The following B3GAT2 variants were observed in gnomAD, a reference collection of about 807,000 sequenced individuals.
B3GAT2 encodes the protein beta-1,3-glucuronyltransferase 2.
A neutral mutation model predicts 27.8 loss-of-function variants in B3GAT2; 26 were observed. The ratio of observed to expected loss-of-function variants is 0.93; its 90% CI spans 0.68 to 1.30. The LOEUF is 1.30. Ranked by LOEUF, B3GAT2 falls within the 50% of genes most tolerant of loss-of-function variation. The pLI is 0.00. For missense variants in B3GAT2, 458 were observed against 459.0 expected (o/e 1.00, Z 0.02); for synonymous variants, 218 against 195.1 (o/e 1.12, Z -0.98).
At chr6:70,899,860 C>A (rs761415187) in intron 1 of B3GAT2, among the ~76,000 whole-genome samples, 1 of 152,174 alleles carries the variant, frequency 6.6e-6, no homozygotes, top group Non-Finnish European at 1.5e-5. Flanking sequence ...GTAACAACAA[C>A]AGTGACTACT....
At chr6:70,880,295 T>C (rs1772081583) in intron 2 of B3GAT2, among the ~76,000 whole-genome samples, 1 of 152,212 alleles carries the variant, frequency 6.6e-6, no homozygotes, top group African/African-American at 2.4e-5. Flanking sequence ...CTAGGTGCTC[T>C]GTCTGTATTA....
intron 1 of B3GAT2, among the ~76,000 whole-genome samples, chr6:70,944,923 G>A (rs1024180524): frequency 1.2e-4 from 19 of 152,248 alleles, no homozygotes; most frequent in African/African-American, 3.9e-4. Flanking sequence ...ACGAAAATAC[G>A]CTGTTCTGCA....
At chr6:70,902,629 T>TAC (rs1156521355) in intron 1 of B3GAT2, among the ~76,000 whole-genome samples, 1 of 142,002 alleles carries the variant, frequency 7.0e-6, no homozygotes, top group African/African-American at 2.8e-5. Context: ...TATATATATA[T>TAC]ATATATATAC....
In B3GAT2 at chr6:70,861,849, T is replaced by C. The variant is rs1252123629; in HGVS notation, c.866A>G (p.Lys289Arg). The C allele has an allele frequency of 6.2e-7, 1 of 1,614,100 alleles. No individual in the cohort carries two copies. The highest frequency in any genetic ancestry group is 1.3e-5 in the African/African-American group (1 of 75,046). ...QITTVEELEP[K>R]ANNCTKVLVW... Reference sequence around the variant, plus strand: ...GAATACCTTAGTGCAGTTATTTGCTTTCGGTTCCAGTTCTTCGACTGTTGT... The same window carrying C: ...GAATACCTTAGTGCAGTTATTTGCTCTCGGTTCCAGTTCTTCGACTGTTGT... Residue 289 changes from lysine (K) to arginine (R), a missense_variant, in exon 3 of 4, where the codon AAA (lysine) becomes AGA (arginine). Lys to Arg is a conservative substitution (Grantham distance 26, BLOSUM62 2). Coordinates refer to ENST00000230053, the MANE Select transcript of B3GAT2 (RefSeq NM_080742.3).
intron 1 of B3GAT2, among the ~76,000 whole-genome samples, chr6:70,903,149 T>C (rs897268522): frequency 1.3e-5 from 2 of 151,640 alleles, no homozygotes; most frequent in East Asian, 3.9e-4. Context: ...ACTAAAAAAT[T>C]AAAAAAGAAA....
chr6:70,956,657 A>G lies in B3GAT2; in HGVS notation c.-228T>C. The G allele has an allele frequency of 2.2e-6, 3 of 1,375,684 alleles. No individual in the cohort carries two copies. Among genetic ancestry groups the G allele is most frequent in the African/African-American group, 1.5e-5 (1 of 66,130 alleles). The allele number at this position is 1,375,684 out of a possible 1,614,324, so 85.2% of individuals were successfully genotyped here. A position where few individuals can be genotyped will look rare whatever the true frequency, so the allele number is the denominator to read the frequency against. On this transcript the variant is annotated 5_prime_UTR_variant, in exon 1 of 4. Transcript: ENST00000230053. Reference sequence around the variant, plus strand: ...CGACAAGGGGTGCAGGCGGGCGGGCAGGGGCTGCCCCCGACTCCAGGTGAG... The same window carrying G: ...CGACAAGGGGTGCAGGCGGGCGGGCGGGGGCTGCCCCCGACTCCAGGTGAG...
At chr6:70,937,922 G>A in intron 1 of B3GAT2, among the ~76,000 whole-genome samples, 1 of 151,898 alleles carries the variant, frequency 6.6e-6, no homozygotes, top group Non-Finnish European at 1.5e-5. Context: ...GCAGAAGAAG[G>A]ACATAAAGGG....
At chr6:70,916,501 T>A (rs1364507261) in intron 1 of B3GAT2, among the ~76,000 whole-genome samples, 1 of 152,206 alleles carries the variant, frequency 6.6e-6, no homozygotes, top group Non-Finnish European at 1.5e-5. Context: ...ATGCTTCCAG[T>A]TTTTGCCCAT....
rs2150013517 is a variant in B3GAT2, at chr6:70,857,001, CAGGAACCATTCA to C, written c.*4650_*4661del. On this transcript the variant is annotated 3_prime_UTR_variant, in exon 4 of 4. Transcript: ENST00000230053. Reference sequence around the variant, plus strand: ...GACTCCATCTTATCTCTGTATGGCACAGGAACCATTCAACAGCAAAGTACTCCTGGTAATGAA... The same window carrying C: ...GACTCCATCTTATCTCTGTATGGCACACAGCAAAGTACTCCTGGTAATGAA... The C allele has an allele frequency of 6.2e-7, 1 of 1,611,864 alleles. No individual in the cohort carries two copies. The highest frequency in any genetic ancestry group is 2.2e-5 in the East Asian group (1 of 44,856).
In B3GAT2 at chr6:70,868,460, A is replaced by G. The variant is rs182910758; in HGVS notation, c.737-6482T>C. On this transcript the variant is annotated intron_variant, in intron 2 of 3. Transcript: ENST00000230053. ...TAAGTATCAATTTAGCCTCACCTCCATAGGCTCATCCCACTGCCACATTCT... is the reference window on the plus strand; with the variant it reads ...TAAGTATCAATTTAGCCTCACCTCCGTAGGCTCATCCCACTGCCACATTCT... 2.6e-5 allele frequency among the ~76,000 whole-genome samples: 4 copies of G among 152,328 alleles called. No individual in the cohort carries two copies. The East Asian group carries it at 7.7e-4, about 29-fold the overall frequency.
At chr6:70,897,666 A>T (rs959122430) in intron 1 of B3GAT2, among the ~76,000 whole-genome samples, 51 of 80,170 alleles carry the variant, frequency 6.4e-4, no homozygotes, top group South Asian at 1.1e-3. Flanking sequence ...TTGAAAAAAA[A>T]AAAAATATAT....
At chr6:70,864,526 A>G (rs1771818074) in intron 2 of B3GAT2, among the ~76,000 whole-genome samples, 1 of 152,150 alleles carries the variant, frequency 6.6e-6, no homozygotes, top group South Asian at 2.1e-4. Context: ...ACAGTACCCA[A>G]GTGTTTTTCT....
At chr6:70,934,959 T>C (rs1232341762) in intron 1 of B3GAT2, among the ~76,000 whole-genome samples, 1 of 152,208 alleles carries the variant, frequency 6.6e-6, no homozygotes. Context: ...CTAATTGTAA[T>C]GGTAAGTCAG....
At chr6:70,872,500 C>G (rs921928565) in intron 2 of B3GAT2, among the ~76,000 whole-genome samples, 4 of 130,948 alleles carry the variant, frequency 3.1e-5, no homozygotes, top group African/African-American at 1.1e-4. Flanking sequence ...TAATCATTCC[C>G]GTTCTTTTTT....
chr6:70,856,777 TA>T lies in B3GAT2; in HGVS notation c.*4885del, dbSNP rs796279725. ...ATTGTTTGATTCCTATCTAATTTTA[TA>T]ACTTTATTTGGATTTTAAGTAATGG... On this transcript the variant is annotated 3_prime_UTR_variant, in exon 4 of 4. Coordinates refer to ENST00000230053, the MANE Select transcript of B3GAT2 (RefSeq NM_080742.3). 1.3e-5 allele frequency: 18 copies of T among 1,375,564 alleles called. No individual in the cohort carries two copies. In the South Asian group the frequency reaches 2.0e-4, roughly 15 times the overall value. 85.2% of individuals were successfully genotyped at this position (1,375,564 alleles called of 1,614,324 possible).
At chr6:70,926,235 A>G (rs566319981) in intron 1 of B3GAT2, among the ~76,000 whole-genome samples, 1 of 152,354 alleles carries the variant, frequency 6.6e-6, no homozygotes, top group South Asian at 2.1e-4. Context: ...CAGAGTAGAA[A>G]AGCCAAAAAT....
chr6:70,905,187 C>G (rs1395013934), intron 1 of B3GAT2, among the ~76,000 whole-genome samples: 1 of 152,120 alleles, frequency 6.6e-6, no homozygotes, highest in Non-Finnish European at 1.5e-5. Flanking sequence ...AGAACCACAG[C>G]TAGGAGTATA....
chr6:70,858,287 CTTTTT>C lies in B3GAT2; in HGVS notation c.*3371_*3375del, dbSNP rs68188898. The C allele has an allele frequency of 6.5e-3, 1,869 of 288,900 alleles. 5 individuals carry two copies. Among genetic ancestry groups the C allele is most frequent in the African/African-American group, 9.6e-3 (221 of 23,020 alleles). 17.9% of individuals were successfully genotyped at this position (288,900 alleles called of 1,614,324 possible). A position where few individuals can be genotyped will look rare whatever the true frequency, so the allele number is the denominator to read the frequency against. ...ATCAAACCAGATTTATTTTCTAAAT[CTTTTT>C]TTTTTTTTTTTTTTTTTTTTTTTAA... On this transcript the variant is annotated 3_prime_UTR_variant, in exon 4 of 4. Coordinates refer to ENST00000230053, the MANE Select transcript of B3GAT2 (RefSeq NM_080742.3).
At chr6:70,954,595 C>T (rs780208102) in intron 1 of B3GAT2, among the ~76,000 whole-genome samples, 2 of 152,102 alleles carry the variant, frequency 1.3e-5, no homozygotes, top group Non-Finnish European at 2.9e-5. Flanking sequence ...TATCTGATGA[C>T]CAGACACACA....
Sources: allele counts gnomAD v4.1 joint callset (sites outside exome capture counted in the v4.1 genomes callset), GRCh38; gene constraint gnomAD v4.1.1; transcripts MANE v1.5; gene names NCBI Gene and HGNC (gene_info 2026-07-23, HGNC 2026-07-21).